FGD3: variants seen among roughly 807,000 people sequenced by gnomAD.
The protein encoded by FGD3 is FYVE, RhoGEF and PH domain containing 3.
Under a neutral mutation model 71.8 loss-of-function variants are expected in FGD3, and 45 were observed. The observed-to-expected ratio is 0.63, with a 90% CI of 0.49 to 0.80. The LOEUF (loss-of-function observed/expected upper bound fraction) is 0.80, where lower values mean the gene tolerates loss of function less well. Ranked by LOEUF, FGD3 falls within the 30% of genes least tolerant of loss-of-function variation. The pLI is 0.00. For missense variants in FGD3, 844 were observed against 951.5 expected, an observed-to-expected ratio of 0.89 and a Z score of 1.49; for synonymous variants, 378 against 392.8, an observed-to-expected ratio of 0.96 and a Z score of 0.44.
In FGD3 at chr9:92,976,726, C is replaced by T. The variant is rs780727440; in HGVS notation, c.453+17C>T. On this transcript the variant is annotated intron_variant, in intron 3 of 17. Coordinates refer to ENST00000375482, the MANE Select transcript of FGD3 (RefSeq NM_001083536.2). ...CTGGCCCAGGTAGGCTTCCCCTTCTCTGTCCCCGCTGCGGGCTGCAGGCCT... is the reference window on the plus strand; with the variant it reads ...CTGGCCCAGGTAGGCTTCCCCTTCTTTGTCCCCGCTGCGGGCTGCAGGCCT... 3.9e-6 allele frequency: 6 copies of T among 1,544,404 alleles called. No homozygotes were observed. Among genetic ancestry groups the T allele is most frequent in the Non-Finnish European group, 3.5e-6 (4 of 1,145,478 alleles).
chr9:93,028,240 C>T (rs1029596805), intron 14 of FGD3, among the ~76,000 whole-genome samples: 1 of 140,312 alleles, frequency 7.1e-6, no homozygotes, highest in African/African-American at 2.7e-5. Context: ...ACACACACCC[C>T]AATTTTCTGT....
At chr9:92,971,566 CTTTTTTTTTTTTT>C (rs869043960) in intron 1 of FGD3, among the ~76,000 whole-genome samples, 9 of 39,570 alleles carry the variant, frequency 2.3e-4, no homozygotes, top group Non-Finnish European at 3.2e-4. Context: ...CTTTTCTTTT[CTTTTTTTTTTTTT>C]TTTTTTTTTT....
At position 93,010,318 on chromosome 9, in the gene FGD3, G is replaced by A. The variant is rs200081651; in HGVS notation, c.910G>A (p.Glu304Lys). 2.4e-5 allele frequency: 38 copies of A among 1,613,564 alleles called. No individual in the cohort carries two copies. The highest frequency in any genetic ancestry group is 4.4e-5 in the South Asian group (4 of 91,058). Reference protein sequence around the residue: ...LEPVQRVPRYELLLKDYLKRL... With the variant: ...LEPVQRVPRYKLLLKDYLKRL... ...GCCCGTGCAGAGGGTCCCCCGGTAC[G>A]AGCTGCTGCTCAAGGACTATCTGAA... The change falls in exon 7 of 18, where the codon GAG becomes AAG. Residue 304 changes from glutamate to lysine, a missense_variant. Physicochemically the swap from Glu to Lys is moderately conservative, Grantham distance 56 (BLOSUM62 1). Coordinates refer to ENST00000375482, the MANE Select transcript of FGD3 (RefSeq NM_001083536.2).
intron 1 of FGD3, among the ~76,000 whole-genome samples, chr9:92,972,252 C>T (rs1010649428): frequency 5.3e-5 from 8 of 151,038 alleles, no homozygotes; most frequent in African/African-American, 2.0e-4. Context: ...AGTTCGAGAC[C>T]AGTCTGGCCA....
chr9:93,032,705 G>A (rs1862401666), intron 15 of FGD3, 64 bp from the exon 16 acceptor site: 2 of 1,493,134 alleles, frequency 1.3e-6, no homozygotes, highest in South Asian at 1.1e-5. Context: ...TACCTCCTCT[G>A]GCATCTTCCT....
intron 6 of FGD3, 38 bp downstream of exon 6, chr9:93,006,218 C>A: frequency 1.3e-6 from 2 of 1,486,770 alleles, no homozygotes; most frequent in South Asian, 2.8e-5. Context: ...CAGATGTTCT[C>A]AAGATGCACA....
At chr9:92,953,495 A>T (rs1297399902) in intron 1 of FGD3, among the ~76,000 whole-genome samples, 1 of 152,248 alleles carries the variant, frequency 6.6e-6, no homozygotes, top group East Asian at 1.9e-4. Flanking sequence ...GAAATGAGGT[A>T]TAGTGAGTGA....
intron 15 of FGD3, among the ~76,000 whole-genome samples, chr9:93,032,073 A>C (rs1040204608): frequency 6.6e-6 from 1 of 152,254 alleles, no homozygotes; most frequent in African/African-American, 2.4e-5. Flanking sequence ...CTGTACAGAC[A>C]GACCATGACA....
intron 1 of FGD3, among the ~76,000 whole-genome samples, chr9:92,948,687 G>A (rs1046817070): frequency 1.3e-5 from 2 of 152,228 alleles, no homozygotes; most frequent in African/African-American, 2.4e-5. Flanking sequence ...CCCCAGTGAG[G>A]TTGACCCTCT....
intron 3 of FGD3, among the ~76,000 whole-genome samples, chr9:92,983,916 C>T (rs1019961385): frequency 2.0e-5 from 3 of 152,250 alleles, no homozygotes; most frequent in African/African-American, 7.2e-5. Flanking sequence ...GCTTTCCCTA[C>T]ACATCTTGCA....
intron 1 of FGD3, among the ~76,000 whole-genome samples, chr9:92,960,204 A>G (rs1859144404): frequency 6.6e-6 from 1 of 151,564 alleles, no homozygotes; most frequent in Non-Finnish European, 1.5e-5. Flanking sequence ...CCATGTCTCC[A>G]TGACCTCCAC....
intron 3 of FGD3, among the ~76,000 whole-genome samples, chr9:92,990,117 T>G (rs985380864): frequency 6.6e-6 from 1 of 152,124 alleles, no homozygotes; most frequent in African/African-American, 2.4e-5. Context: ...CTAAGAGTTT[T>G]GTGATACAAT....
intron 3 of FGD3, among the ~76,000 whole-genome samples, chr9:92,990,821 G>A (rs576334345): frequency 4.7e-4 from 71 of 152,154 alleles, no homozygotes; most frequent in Non-Finnish European, 6.9e-4. Context: ...TTTGGTTTGC[G>A]GGTATTTTGT....
chr9:92,984,311 C>T (rs1393434627), intron 3 of FGD3, among the ~76,000 whole-genome samples: 1 of 152,214 alleles, frequency 6.6e-6, no homozygotes, highest in African/African-American at 2.4e-5. Flanking sequence ...ATACAAAATC[C>T]TTTTCATGCA....
intron 11 of FGD3, among the ~76,000 whole-genome samples, chr9:93,018,818 G>A (rs888476451): frequency 2.0e-5 from 3 of 152,154 alleles, no homozygotes; most frequent in African/African-American, 7.2e-5. Context: ...AGCAGGCCCA[G>A]CACGTTCTTA....
intron 11 of FGD3, among the ~76,000 whole-genome samples, chr9:93,019,115 G>C (rs1308921094): frequency 1.3e-5 from 2 of 152,168 alleles, no homozygotes; most frequent in African/African-American, 4.8e-5. Flanking sequence ...CTCCCAAAGT[G>C]CTGGGATTAC....
At chr9:93,032,675 ACTCCACCTCC>A in intron 15 of FGD3, 84 bp from the exon 16 acceptor site, 1 of 607,970 alleles carries the variant, frequency 1.6e-6, no homozygotes, top group Non-Finnish European at 2.4e-6. Flanking sequence ...CCTCCCGCCC[ACTCCACCTCC>A]CGCCCACTCT....
At chr9:93,014,256 G>A (rs921033238) in intron 9 of FGD3, among the ~76,000 whole-genome samples, 7 of 147,178 alleles carry the variant, frequency 4.8e-5, no homozygotes, top group African/African-American at 8.0e-5. Flanking sequence ...TTAATCCCTC[G>A]TAGCCCATAC....
intron 3 of FGD3, among the ~76,000 whole-genome samples, chr9:92,978,766 GCCCCTCCCCT>G (rs142580787): frequency 0.59 from 15,048 of 25,310 alleles, 4,999 homozygotes; most frequent in African/African-American, 0.66. Flanking sequence ...ACTCCTCTCT[GCCCCTCCCCT>G]CCCCTCCCCT....
Sources: gnomAD v4.1 joint callset for allele counts (sites outside exome capture counted in the v4.1 genomes callset) on GRCh38, gnomAD v4.1.1 for gene constraint, MANE v1.5 for transcripts, NCBI Gene and HGNC (gene_info 2026-07-23, HGNC 2026-07-21) for gene names.